Variants in DRC7 observed in about 807,000 individuals in gnomAD.
The protein encoded by DRC7 is coiled-coil domain containing 135.
A neutral mutation model predicts 104.4 loss-of-function variants in DRC7; 80 were observed. That is an observed-to-expected ratio of 0.77 (90% confidence interval 0.64 to 0.92). The LOEUF (loss-of-function observed/expected upper bound fraction) is 0.92, where lower values mean the gene tolerates loss of function less well. Ranked by LOEUF, DRC7 falls within the 40% of genes least tolerant of loss-of-function variation. The pLI is 0.00. For synonymous variants in DRC7, 405 were observed against 447.3 expected (o/e 0.91, Z 1.19); for missense variants, 1,034 against 1,141.1 (o/e 0.91, Z 1.35).
At chr16:57,716,211 C>T (rs957583044) in intron 8 of DRC7, among the ~76,000 whole-genome samples, 1 of 152,048 alleles carries the variant, frequency 6.6e-6, no homozygotes, top group Non-Finnish European at 1.5e-5. Flanking sequence ...GCCAAGAGTG[C>T]GAATAGGTTG....
At chr16:57,728,912 G>C (rs1235374385) in intron 17 of DRC7, among the ~76,000 whole-genome samples, 1 of 151,398 alleles carries the variant, frequency 6.6e-6, no homozygotes, top group Non-Finnish European at 1.5e-5. Flanking sequence ...GTAGATAGAG[G>C]GATGGGTGGG....
chr16:57,711,145 C>G (rs1218359631), intron 8 of DRC7, among the ~76,000 whole-genome samples: 1 of 152,178 alleles, frequency 6.6e-6, no homozygotes, highest in East Asian at 1.9e-4. Flanking sequence ...GGTACAAATT[C>G]AATAGGAAGA....
chr16:57,698,781 A>C (rs1159639658), intron 3 of DRC7, 69 bp from the exon 4 acceptor site: 1 of 1,505,628 alleles, frequency 6.6e-7, no homozygotes, highest in African/African-American at 1.4e-5. Context: ...AGCCAATGGC[A>C]ACTCAGTGGA....
At position 57,701,806 on chromosome 16, in the gene DRC7, G is replaced by T; in HGVS notation, c.505-130G>T. On this transcript the variant is annotated intron_variant, in intron 5 of 18. Coordinates refer to ENST00000360716, the MANE Select transcript of DRC7 (RefSeq NM_001289162.2). ...GCTCCCTGACCCCACAAGGGTTAGGGGCCCAAAGCAGGTCCAGCCTGTGCA... is the reference window on the plus strand; with the variant it reads ...GCTCCCTGACCCCACAAGGGTTAGGTGCCCAAAGCAGGTCCAGCCTGTGCA... The T allele has an allele frequency of 8.4e-6, 6 of 712,566 alleles. No homozygotes were observed. In the South Asian group the frequency reaches 1.1e-4, roughly 13 times the overall value. The allele number at this position is 712,566 out of a possible 1,614,324, so 44.1% of individuals were successfully genotyped here. A position where few individuals can be genotyped will look rare whatever the true frequency, so the allele number is the denominator to read the frequency against.
chr16:57,702,321 G>A (rs1251046339), intron 6 of DRC7, among the ~76,000 whole-genome samples, 191 bp downstream of exon 6: 1 of 152,112 alleles, frequency 6.6e-6, no homozygotes, highest in African/African-American at 2.4e-5. Context: ...TATGTCCTCG[G>A]TGTCTTAACA....
At position 57,726,914 on chromosome 16, in the gene DRC7, G is replaced by A. The variant is rs200765306; in HGVS notation, c.2057G>A (p.Arg686Lys). Residue 686 changes from arginine (R) to lysine (K), a missense_variant, in exon 15 of 19, where the codon AGA becomes AAA. Arg to Lys is a conservative substitution (Grantham distance 26, BLOSUM62 2). Coordinates refer to ENST00000360716, the MANE Select transcript of DRC7 (RefSeq NM_001289162.2). Reference protein sequence around the residue: ...MHLKREEKLSRHQVWESELEV... With the variant: ...MHLKREEKLSKHQVWESELEV... Reference sequence around the variant, plus strand: ...CTGAAGAGGGAGGAGAAGCTGTCCAGACATCAGGTCTGGGAGTCAGAGCTG... The same window carrying A: ...CTGAAGAGGGAGGAGAAGCTGTCCAAACATCAGGTCTGGGAGTCAGAGCTG... The A allele has an allele frequency of 5.8e-5, 93 of 1,612,700 alleles. 2 individuals are homozygous for A. The East Asian group carries it at 2.0e-3, about 35-fold the overall frequency.
chr16:57,698,028 A>G lies in DRC7; in HGVS notation c.79A>G (p.Arg27Gly). The G allele has an allele frequency of 6.2e-7, 1 of 1,613,954 alleles. No homozygotes were observed. The highest frequency in any genetic ancestry group is 8.5e-7 in the Non-Finnish European group (1 of 1,180,018). ...GGCGGCCGAGTGGGCTGAATGGGCG[A>G]GGATGGAGAAAATGATGAGGCCAGT... ...EEAAEWAEWA[R>G]MEKMMRPVEV... is the part of the protein sequence containing the mutation. Residue 27 changes from arginine to glycine, a missense_variant, in exon 3 of 19, where the codon AGG becomes GGG. Physicochemically the swap from Arg to Gly is moderately radical, Grantham distance 125. Coordinates refer to ENST00000360716, the MANE Select transcript of DRC7 (RefSeq NM_001289162.2).
rs774372765 is a variant in DRC7 at position 57,726,144 on chromosome 16, C to T, written c.1835C>T (p.Ala612Val). ...GTGGCAGAGCGCGTGTTTCTGGTCG[C>T]GGAGGAGCGCATCCAGCTGCGCTAC... Reference protein sequence around the residue: ...EDVAERVFLVAEERIQLRYHC... With the variant: ...EDVAERVFLVVEERIQLRYHC... Residue 612 changes from alanine to valine, a missense_variant, in exon 14 of 19, where the codon GCG becomes GTG. Physicochemically the swap from Ala to Val is moderately conservative, Grantham distance 64. Coordinates refer to ENST00000360716, the MANE Select transcript of DRC7 (RefSeq NM_001289162.2). The T allele has an allele frequency of 3.7e-6, 6 of 1,613,040 alleles. No homozygotes were observed. Among genetic ancestry groups the T allele is most frequent in the East Asian group, 4.5e-5 (2 of 44,904 alleles).
At position 57,716,661 on chromosome 16, in the gene DRC7, C is replaced by T. The variant is rs530118486; in HGVS notation, c.1078-1686C>T. 5.9e-5 allele frequency among the ~76,000 whole-genome samples: 9 copies of T among 152,274 alleles called. No homozygotes were observed. The South Asian group carries it at 1.2e-3, about 21-fold the overall frequency. ...CCCCCACTTCTCTCCCCTCCACCCACGAGCTAGGGCAGAGAAATACTCAGG... is the reference window on the plus strand; with the variant it reads ...CCCCCACTTCTCTCCCCTCCACCCATGAGCTAGGGCAGAGAAATACTCAGG... On this transcript the variant is annotated intron_variant, in intron 8 of 18. Coordinates refer to ENST00000360716, the MANE Select transcript of DRC7 (RefSeq NM_001289162.2).
Position 57,731,684 on chromosome 16 carries a change from G to A in DRC7, c.*426G>A, listed in dbSNP as rs568928886. ...TGGCCCACCTCACCAAGTGGGATGG[G>A]GAAGGCTAAGATGCATGCCCCAGAA... is the stretch of plus-strand genomic sequence containing the variant. On this transcript the variant is annotated 3_prime_UTR_variant, in exon 19 of 19. Coordinates refer to ENST00000360716, the MANE Select transcript of DRC7 (RefSeq NM_001289162.2). The A allele has an allele frequency of 8.6e-4, 158 of 183,446 alleles. No individual in the cohort carries two copies. Among genetic ancestry groups the A allele is most frequent in the Non-Finnish European group, 1.4e-3 (122 of 87,758 alleles). 11.4% of individuals were successfully genotyped at this position (183,446 alleles called of 1,614,324 possible).
intron 8 of DRC7, among the ~76,000 whole-genome samples, chr16:57,708,803 G>T (rs1387390172): frequency 6.6e-6 from 1 of 152,128 alleles, no homozygotes; most frequent in Non-Finnish European, 1.5e-5. Context: ...TAGTGGACAT[G>T]TAATGGTATT....
At chr16:57,717,658 C>G (rs1336146136) in intron 8 of DRC7, among the ~76,000 whole-genome samples, 2 of 151,508 alleles carry the variant, frequency 1.3e-5, no homozygotes, top group Admixed American at 6.6e-5. Flanking sequence ...GAGATCACGC[C>G]ACTGCACTCC....
Position 57,728,382 on chromosome 16 carries a change from C to G in DRC7, c.2197-8C>G, listed in dbSNP as rs758063514. 42 of 1,579,770 alleles carry G rather than the reference C, an allele frequency of 2.7e-5. No individual in the cohort carries two copies. The highest frequency in any genetic ancestry group is 3.3e-5 in the Non-Finnish European group (38 of 1,160,622). ...GCTGATCCAGCTATCTGCCCCTCAC[C>G]TTTACAGGAGCGCATGATGCACGAA... On this transcript the variant is annotated splice_region_variant and splice_polypyrimidine_tract_variant and intron_variant, in intron 16 of 18. Transcript: ENST00000360716.
chr16:57,726,033 C>T (rs2048959229), intron 13 of DRC7, 35 bp from the exon 14 acceptor site: 1 of 1,576,332 alleles, frequency 6.3e-7, no homozygotes, highest in African/African-American at 1.3e-5. Flanking sequence ...ACACGCTCAT[C>T]CTTTGCTCAT....
In DRC7 at chr16:57,727,350, A is replaced by AC. The variant is rs750643064; in HGVS notation, c.2139dup (p.Ile714HisfsTer5). The stretch of plus-strand genomic sequence containing the variant: ...GGAAGAGGAGGCGGCGCACACACTG[A>AC]CCATCTCCATCTATGACACCAAGCG... On this transcript the variant is annotated frameshift_variant, in exon 16 of 19. Coordinates refer to ENST00000360716, the MANE Select transcript of DRC7 (RefSeq NM_001289162.2). LOFTEE classifies it high-confidence loss of function. The AC allele has an allele frequency of 2.5e-6, 4 of 1,613,402 alleles. No individual in the cohort carries two copies. Among genetic ancestry groups the AC allele is most frequent in the Non-Finnish European group, 3.4e-6 (4 of 1,179,912 alleles).
rs753681953 is a variant in DRC7, at chr16:57,722,807, T to C, written c.1374T>C (p.Leu458=). ...KWAPYLNSNG[L]VSRLTTYEDL... is the part of the protein sequence containing the mutation. ...CCCCGTACCTCAATAGCAATGGCCT[T>C]GTGAGCCGCCTCACCACCTATGAGG... is the stretch of plus-strand genomic sequence containing the variant. The change falls in exon 11 of 19, where the codon CTT becomes CTC. Residue 458 remains leucine, a synonymous_variant. Coordinates refer to ENST00000360716, the MANE Select transcript of DRC7 (RefSeq NM_001289162.2). 4 of 1,613,850 alleles carry C rather than the reference T, an allele frequency of 2.5e-6. No individual in the cohort carries two copies. In the East Asian group the frequency reaches 8.9e-5, roughly 36 times the overall value.
chr16:57,707,104 G>A (rs113103779), intron 7 of DRC7, among the ~76,000 whole-genome samples: 1 of 152,160 alleles, frequency 6.6e-6, no homozygotes, highest in Non-Finnish European at 1.5e-5. Flanking sequence ...GACAGTCACA[G>A]TTCTCTCAGA....
At chr16:57,730,035 A>AGGACGGAT (rs1240660490) in intron 17 of DRC7, among the ~76,000 whole-genome samples, 1 of 105,390 alleles carries the variant, frequency 9.5e-6, no homozygotes, top group Non-Finnish European at 1.8e-5. Flanking sequence ...GATGAGTGGA[A>AGGACGGAT]GGACGGATGG....
rs777467356 is a variant in DRC7 at position 57,723,049 on chromosome 16, A to G, written c.1456A>G (p.Met486Val). Reference protein sequence around the residue: ...IKEWYQNREDMLELKHINKTT... With the variant: ...IKEWYQNREDVLELKHINKTT... ...GGAGTGGTACCAGAACCGGGAAGAC[A>G]TGCTGGAGCTGAAACACATAAACAA... The change falls in exon 12 of 19, where the codon ATG becomes GTG. Residue 486 changes from methionine to valine, a missense_variant. By Grantham distance (21) the Met-to-Val change is conservative. Transcript: ENST00000360716. The G allele has an allele frequency of 6.8e-6, 11 of 1,613,940 alleles. No individual in the cohort carries two copies. Among genetic ancestry groups the G allele is most frequent in the South Asian group, 1.1e-5 (1 of 91,076 alleles).
Sources: allele counts gnomAD v4.1 joint callset (sites outside exome capture counted in the v4.1 genomes callset), GRCh38; gene constraint gnomAD v4.1.1; transcripts MANE v1.5; gene names NCBI Gene and HGNC (gene_info 2026-07-23, HGNC 2026-07-21).